The following GRIK2 variants were observed in gnomAD, a reference collection of about 807,000 sequenced individuals.
GRIK2 encodes glutamate ionotropic receptor kainate type subunit 2.
In GRIK2, 32 loss-of-function variants were observed where a neutral mutation model predicts 100.3. The observed-to-expected ratio is 0.32, with a 90% CI of 0.24 to 0.43. GRIK2 has a LOEUF of 0.43. Ranked by LOEUF, GRIK2 falls within the 20% of genes least tolerant of loss-of-function variation. The probability of loss-of-function intolerance (pLI) is 1.00; values close to 1 mark genes in which losing one functional copy is unlikely to be tolerated. For synonymous variants in GRIK2, 417 were observed against 389.4 expected (o/e 1.07, Z -0.83); for missense variants, 843 against 1,114.9 (o/e 0.76, Z 3.47).
Position 101,685,182 on chromosome 6 carries a change from C to T in GRIK2, c.778-998C>T, listed in dbSNP as rs373819885. On this transcript the variant is annotated intron_variant, in intron 6 of 16. Transcript: ENST00000369134. ...CTCTTTTACCACTTGGCATATATTG[C>T]CATCCTTTATTTATTCACCTCTTTC... Among the ~76,000 whole-genome samples, 12 of 152,260 alleles carry T rather than the reference C, an allele frequency of 7.9e-5. No homozygotes were observed. In the South Asian group the frequency reaches 2.5e-3, roughly 32 times the overall value.
At chr6:102,068,265 T>A in intron 16 of GRIK2, 82 bp from the exon 17 acceptor site, 2 of 1,008,100 alleles carry the variant, frequency 2.0e-6, no homozygotes, top group East Asian at 2.5e-5. Context: ...GACAAGTCTG[T>A]TGAGGATGAT....
At chr6:101,929,342 TTA>T (rs1790114971) in intron 14 of GRIK2, among the ~76,000 whole-genome samples, 1 of 152,214 alleles carries the variant, frequency 6.6e-6, no homozygotes, top group South Asian at 2.1e-4. Context: ...TATTACCACT[TTA>T]TAATTCCTTT....
chr6:101,728,470 C>T lies in GRIK2; in HGVS notation c.951+42117C>T, dbSNP rs140923249. On this transcript the variant is annotated intron_variant, in intron 7 of 16. Coordinates refer to ENST00000369134, the MANE Select transcript of GRIK2 (RefSeq NM_021956.5). ...AAATTTGCAGCTGTATCTCTGACAT[C>T]GTGACATTTATTTTAAAAAGAGAAA... is the stretch of plus-strand genomic sequence containing the variant. Among the ~76,000 whole-genome samples the T allele has an allele frequency of 2.8e-4, 42 of 152,070 alleles. No homozygotes were observed. The East Asian group carries it at 6.8e-3, about 24-fold the overall frequency.
At chr6:101,681,612 G>T (rs1472290131) in intron 5 of GRIK2, among the ~76,000 whole-genome samples, 1 of 151,650 alleles carries the variant, frequency 6.6e-6, no homozygotes, top group African/African-American at 2.4e-5. Flanking sequence ...AATTATTATT[G>T]ACTATAGTCA....
intron 10 of GRIK2, among the ~76,000 whole-genome samples, chr6:101,825,484 A>T (rs1172009748): frequency 6.6e-6 from 1 of 152,160 alleles, no homozygotes; most frequent in Non-Finnish European, 1.5e-5. Flanking sequence ...TGAAAATCCT[A>T]GGGTCTTAAT....
chr6:101,899,698 A>G (rs1787714117), intron 12 of GRIK2, among the ~76,000 whole-genome samples: 1 of 152,154 alleles, frequency 6.6e-6, no homozygotes, highest in African/African-American at 2.4e-5. Context: ...TTTTCCTATT[A>G]AATGGATAAA....
At chr6:101,594,948 A>G (rs1778840585) in intron 2 of GRIK2, among the ~76,000 whole-genome samples, 1 of 151,676 alleles carries the variant, frequency 6.6e-6, no homozygotes, top group South Asian at 2.1e-4. Flanking sequence ...ACAAATAAGC[A>G]TGTGGGCAAG....
At chr6:101,743,905 T>G (rs1217021191) in intron 7 of GRIK2, among the ~76,000 whole-genome samples, 1 of 152,140 alleles carries the variant, frequency 6.6e-6, no homozygotes, top group Non-Finnish European at 1.5e-5. Flanking sequence ...GAGATTTTGG[T>G]GCATCCATTA....
At chr6:101,471,833 T>C (rs943791072) in intron 2 of GRIK2, among the ~76,000 whole-genome samples, 1 of 151,912 alleles carries the variant, frequency 6.6e-6, no homozygotes, top group African/African-American at 2.4e-5. Context: ...ATCTTCCCCT[T>C]TAGTATGATT....
At chr6:101,503,174 G>GT (rs905304345) in intron 2 of GRIK2, among the ~76,000 whole-genome samples, 7 of 151,990 alleles carry the variant, frequency 4.6e-5, no homozygotes, top group South Asian at 4.2e-4. Flanking sequence ...TACCTTAAGT[G>GT]TTTTTTTTGT....
At chr6:101,572,733 T>C (rs1777596528) in intron 2 of GRIK2, among the ~76,000 whole-genome samples, 1 of 150,372 alleles carries the variant, frequency 6.7e-6, no homozygotes, top group Admixed American at 6.6e-5. Flanking sequence ...AATTATTTTC[T>C]TGTACTTGGC....
chr6:101,626,648 T>C lies in GRIK2; in HGVS notation c.541+11T>C, dbSNP rs373530675. On this transcript the variant is annotated intron_variant, in intron 4 of 16. Coordinates refer to ENST00000369134, the MANE Select transcript of GRIK2 (RefSeq NM_021956.5). ...ATGATGACAGCACTGGTAAGAAAAA[T>C]CAGTATCTTTTGGAGCTATGCTTTA... The C allele has an allele frequency of 1.4e-5, 23 of 1,610,630 alleles. No homozygotes were observed. The highest frequency in any genetic ancestry group is 3.3e-5 in the Admixed American group (2 of 59,844).
At chr6:101,759,956 A>G (rs1468188022) in intron 7 of GRIK2, among the ~76,000 whole-genome samples, 1 of 117,032 alleles carries the variant, frequency 8.5e-6, no homozygotes, top group African/African-American at 4.5e-5. Context: ...ATCTCGGCTC[A>G]CTTCCCGGGT....
chr6:101,611,033 A>G (rs1158263331), intron 2 of GRIK2, among the ~76,000 whole-genome samples: 1 of 151,726 alleles, frequency 6.6e-6, no homozygotes, highest in African/African-American at 2.4e-5. Context: ...TCTACTTTAA[A>G]ATTAATATTA....
chr6:102,033,534 G>C (rs989233351), intron 14 of GRIK2, among the ~76,000 whole-genome samples: 1 of 151,138 alleles, frequency 6.6e-6, no homozygotes, highest in African/African-American at 2.4e-5. Flanking sequence ...TGTTTATTTT[G>C]GCTTTGAAAG....
At chr6:101,398,878 T>G (rs746806528) in intron 1 of GRIK2, 107 bp from the exon 2 acceptor site, 10 of 425,976 alleles carry the variant, frequency 2.3e-5, no homozygotes, top group Non-Finnish European at 3.7e-5. Context: ...TGGCAAAACC[T>G]TTGCTAGCAA....
intron 12 of GRIK2, among the ~76,000 whole-genome samples, chr6:101,906,374 G>GTGTGTGTGTGTGTGTGTT (rs753426869): frequency 3.0e-4 from 46 of 151,108 alleles, no homozygotes; most frequent in South Asian, 4.2e-4. Context: ...ATCTGTGTGT[G>GTGTGTGTGTGTGTGTGTT]TGTGTGTGTG....
At chr6:101,645,745 G>A (rs1037969545) in intron 4 of GRIK2, among the ~76,000 whole-genome samples, 1 of 151,758 alleles carries the variant, frequency 6.6e-6, no homozygotes, top group African/African-American at 2.4e-5. Flanking sequence ...GCAGCATTAT[G>A]TAAAAAAGCT....
At chr6:101,510,873 A>T (rs970266363) in intron 2 of GRIK2, among the ~76,000 whole-genome samples, 1 of 152,086 alleles carries the variant, frequency 6.6e-6, no homozygotes, top group Non-Finnish European at 1.5e-5. Flanking sequence ...AAAAAAAAGG[A>T]TAGTGGATAC....
Sources: gnomAD v4.1 joint callset for allele counts (sites outside exome capture counted in the v4.1 genomes callset) on GRCh38, gnomAD v4.1.1 for gene constraint, MANE v1.5 for transcripts, NCBI Gene and HGNC (gene_info 2026-07-23, HGNC 2026-07-21) for gene names.